The following ERC2 variants were observed in gnomAD, a reference collection of about 807,000 sequenced individuals.
The protein encoded by ERC2 is ERC protein 2.
Under a neutral mutation model 114.8 loss-of-function variants are expected in ERC2, and 42 were observed. The ratio of observed to expected loss-of-function variants is 0.37; its 90% confidence interval spans 0.29 to 0.47. ERC2 has a LOEUF of 0.47. Ranked by LOEUF, ERC2 falls within the 20% of genes least tolerant of loss-of-function variation. ERC2 has a pLI of 0.99. For synonymous variants in ERC2, 454 were observed against 425.5 expected (o/e 1.07, Z -0.82); for missense variants, 939 against 1,150.7 (o/e 0.82, Z 2.66).
At chr3:56,260,242 C>T (rs1320547634) in intron 3 of ERC2, among the ~76,000 whole-genome samples, 1 of 152,124 alleles carries the variant, frequency 6.6e-6, no homozygotes, top group Non-Finnish European at 1.5e-5. Flanking sequence ...CTCAGGAAAC[C>T]ACTCCTCCCC....
chr3:56,002,258 T>C (rs2072133209), intron 10 of ERC2, among the ~76,000 whole-genome samples: 1 of 152,126 alleles, frequency 6.6e-6, no homozygotes, highest in Non-Finnish European at 1.5e-5. Flanking sequence ...TCCATGCTAT[T>C]CATTTTCTCC....
At chr3:56,028,535 C>T (rs955039278) in intron 7 of ERC2, among the ~76,000 whole-genome samples, 3 of 151,976 alleles carry the variant, frequency 2.0e-5, no homozygotes, top group African/African-American at 7.2e-5. Context: ...AAGTTTACAT[C>T]TACATATTTT....
rs146347598 is a variant in ERC2, at chr3:55,987,505, A to G, written c.2256-1517T>C. Among the ~76,000 whole-genome samples the G allele has an allele frequency of 1.7e-4, 26 of 152,378 alleles. No individual in the cohort carries two copies. In the East Asian group the frequency reaches 5.0e-3, roughly 29 times the overall value. ...GTTTTCAAGAAATTCTTTCAAATACATTAACAAATGTAAGTGAAAATTACT... is the reference window on the plus strand; with the variant it reads ...GTTTTCAAGAAATTCTTTCAAATACGTTAACAAATGTAAGTGAAAATTACT... On this transcript the variant is annotated intron_variant, in intron 11 of 17. Coordinates refer to ENST00000288221, the MANE Select transcript of ERC2 (RefSeq NM_015576.3).
chr3:55,560,497 A>T (rs182919023), intron 17 of ERC2, among the ~76,000 whole-genome samples: 1 of 152,248 alleles, frequency 6.6e-6, no homozygotes, highest in East Asian at 1.9e-4. Flanking sequence ...AGGCTCTGAG[A>T]GTACATGGAG....
intron 6 of ERC2, among the ~76,000 whole-genome samples, chr3:56,115,741 A>G (rs1231069784): frequency 6.6e-6 from 1 of 151,948 alleles, no homozygotes; most frequent in African/African-American, 2.4e-5. Context: ...ACAACTAAGG[A>G]CTGGGAGAGA....
chr3:55,894,886 T>C (rs2063770628), intron 13 of ERC2, among the ~76,000 whole-genome samples: 1 of 152,206 alleles, frequency 6.6e-6, no homozygotes, highest in Non-Finnish European at 1.5e-5. Flanking sequence ...AAGTATCAAC[T>C]CTTTCTAATA....
intron 14 of ERC2, among the ~76,000 whole-genome samples, chr3:55,873,722 G>A (rs1421347720): frequency 1.3e-5 from 2 of 151,922 alleles, no homozygotes; most frequent in African/African-American, 4.8e-5. Context: ...TCTGCCACAG[G>A]GCCTTTGCAT....
At chr3:56,168,972 G>A (rs1000960552) in intron 4 of ERC2, among the ~76,000 whole-genome samples, 1 of 152,072 alleles carries the variant, frequency 6.6e-6, no homozygotes, top group Non-Finnish European at 1.5e-5. Flanking sequence ...AAAAAGCCTG[G>A]TGGGGACAAA....
At chr3:56,348,960 GAAAGAAAGAAGGAAAGAAA>G (rs1560643331) in intron 2 of ERC2, among the ~76,000 whole-genome samples, 16 of 97,464 alleles carry the variant, frequency 1.6e-4, no homozygotes, top group Non-Finnish European at 3.0e-4. Context: ...AGGAAGGAAA[GAAAGAAAGAAGGAAAGAAA>G]GAAGGAAAGA....
chr3:55,660,167 T>G (rs2061061421), intron 17 of ERC2, among the ~76,000 whole-genome samples: 1 of 152,242 alleles, frequency 6.6e-6, no homozygotes, highest in South Asian at 2.1e-4. Context: ...TTCCATTGGC[T>G]GAATTTGAGG....
intron 14 of ERC2, among the ~76,000 whole-genome samples, chr3:55,870,006 A>C (rs998238806): frequency 6.6e-6 from 1 of 152,196 alleles, no homozygotes; most frequent in Non-Finnish European, 1.5e-5. Flanking sequence ...AGTGGCCTCA[A>C]AAAGCAAATG....
chr3:55,735,669 C>G (rs2065586837), intron 14 of ERC2, among the ~76,000 whole-genome samples: 1 of 152,158 alleles, frequency 6.6e-6, no homozygotes, highest in Admixed American at 6.5e-5. Flanking sequence ...ATCATATGAA[C>G]TTTTGGGGGA....
At chr3:56,135,844 A>G (rs1026369916) in intron 6 of ERC2, among the ~76,000 whole-genome samples, 1 of 152,216 alleles carries the variant, frequency 6.6e-6, no homozygotes, top group Non-Finnish European at 1.5e-5. Context: ...GGTGCTAGAG[A>G]ACACCAATTC....
chr3:56,114,033 A>G (rs192705655), intron 6 of ERC2, among the ~76,000 whole-genome samples: 1 of 152,328 alleles, frequency 6.6e-6, no homozygotes, highest in East Asian at 1.9e-4. Context: ...GGCAGAAACT[A>G]AAAGCAAGCA....
chr3:55,819,767 T>C (rs886113238), intron 14 of ERC2, among the ~76,000 whole-genome samples: 3 of 152,198 alleles, frequency 2.0e-5, no homozygotes, highest in African/African-American at 4.8e-5. Context: ...TCCATGGCCA[T>C]GCACAGAAGC....
intron 15 of ERC2, among the ~76,000 whole-genome samples, chr3:55,708,622 A>C (rs1430497775): frequency 1.3e-5 from 2 of 152,110 alleles, no homozygotes; most frequent in Non-Finnish European, 2.9e-5. Flanking sequence ...TCTGAAAAAA[A>C]CTCCAGACTC....
intron 6 of ERC2, among the ~76,000 whole-genome samples, chr3:56,082,099 C>A (rs1361936506): frequency 1.3e-5 from 2 of 152,038 alleles, no homozygotes; most frequent in African/African-American, 4.8e-5. Context: ...AAGATTAGGA[C>A]CCTTTGCCAC....
intron 7 of ERC2, among the ~76,000 whole-genome samples, chr3:56,053,840 CAAAACTTCA>C (rs1256649925): frequency 6.6e-6 from 1 of 151,710 alleles, no homozygotes; most frequent in African/African-American, 2.4e-5. Context: ...CCCTTAAAAC[CAAAACTTCA>C]AAGCTCTTGA....
chr3:56,296,199 G>A lies in ERC2; in HGVS notation c.894C>T (p.Leu298=). ...ELRIETQKQT[L]NARDESIKKL... Reference sequence around the variant, plus strand: ...TTTTAATTGACTCATCTCGGGCATTGAGGGTTTGTTTCTGCGTTTCAATTC... The same window carrying A: ...TTTTAATTGACTCATCTCGGGCATTAAGGGTTTGTTTCTGCGTTTCAATTC... The change falls in exon 3 of 18, where the codon CTC becomes CTT. Residue 298 remains leucine (L), a synonymous_variant. Coordinates refer to ENST00000288221, the MANE Select transcript of ERC2 (RefSeq NM_015576.3). 6.2e-7 allele frequency: 1 copy of A among 1,614,012 alleles called. No individual in the cohort carries two copies.
Sources: allele counts gnomAD v4.1 joint callset (sites outside exome capture counted in the v4.1 genomes callset), GRCh38; gene constraint gnomAD v4.1.1; transcripts MANE v1.5; gene names NCBI Gene and HGNC (gene_info 2026-07-23, HGNC 2026-07-21).